The following RHBDD1 variants were observed in gnomAD, a reference collection of about 807,000 sequenced individuals.
The protein encoded by RHBDD1 is rhomboid domain containing 1.
RHBDD1 carries 38 observed loss-of-function variants against 36.3 expected under a neutral mutation model. The ratio of observed to expected loss-of-function variants is 1.05; its 90% CI spans 0.81 to 1.37. The LOEUF is 1.37. Ranked by LOEUF, RHBDD1 falls within the 40% of genes most tolerant of loss-of-function variation. The pLI is 0.00. For missense variants in RHBDD1, 393 were observed against 377.6 expected (o/e 1.04, Z -0.34); for synonymous variants, 151 against 136.5 (o/e 1.11, Z -0.74).
At chr2:226,956,305 G>T (rs142595814) in intron 8 of RHBDD1, among the ~76,000 whole-genome samples, 1 of 152,224 alleles carries the variant, frequency 6.6e-6, no homozygotes, top group East Asian at 1.9e-4. Context: ...CATATTATTA[G>T]CATTGATGTA....
chr2:226,850,184 A>G (rs1942671307), intron 3 of RHBDD1, among the ~76,000 whole-genome samples: 1 of 152,236 alleles, frequency 6.6e-6, no homozygotes, highest in Non-Finnish European at 1.5e-5. Flanking sequence ...GGTAACTAAC[A>G]CAATGAATAG....
chr2:226,885,431 C>G (rs1283049934), intron 5 of RHBDD1, among the ~76,000 whole-genome samples: 1 of 152,062 alleles, frequency 6.6e-6, no homozygotes, highest in East Asian at 1.9e-4. Flanking sequence ...TCCAATAGTA[C>G]ATGACTCAAT....
intron 8 of RHBDD1, among the ~76,000 whole-genome samples, chr2:226,935,806 A>G (rs1297958350): frequency 6.6e-6 from 1 of 152,164 alleles, no homozygotes; most frequent in East Asian, 1.9e-4. Flanking sequence ...TCTCTGAAAG[A>G]TAAATTCAAA....
chr2:226,988,594 C>T, intron 8 of RHBDD1: 5 of 1,362,342 alleles, frequency 3.7e-6, no homozygotes, highest in Non-Finnish European at 4.7e-6. Flanking sequence ...CAGAAGAGGC[C>T]GGGGGCTCCA....
At chr2:226,853,303 T>C (rs561118213) in intron 3 of RHBDD1, among the ~76,000 whole-genome samples, 26 of 152,338 alleles carry the variant, frequency 1.7e-4, no homozygotes, top group African/African-American at 3.6e-4. Flanking sequence ...AAGCAGAACA[T>C]TGAACTATTT....
At chr2:226,919,601 C>T (rs1460034251) in intron 8 of RHBDD1, among the ~76,000 whole-genome samples, 2 of 151,904 alleles carry the variant, frequency 1.3e-5, no homozygotes, top group South Asian at 2.1e-4. Flanking sequence ...AGTGTATTCT[C>T]TTGGCACCTT....
At chr2:226,916,157 G>A (rs1215393298) in intron 8 of RHBDD1, among the ~76,000 whole-genome samples, 1 of 152,194 alleles carries the variant, frequency 6.6e-6, no homozygotes, top group East Asian at 1.9e-4. Context: ...TCTGTATACT[G>A]TTACTGAAGC....
intron 8 of RHBDD1, among the ~76,000 whole-genome samples, chr2:226,960,010 ACATGGGGTTTTACCGTATTAGC>A (rs1242673647): frequency 1.3e-5 from 2 of 152,124 alleles, no homozygotes; most frequent in African/African-American, 4.8e-5. Flanking sequence ...TTTAAAGTAG[ACATGGGGTTTTACCGTATTAGC>A]CAGAATGGTC....
At position 226,972,366 on chromosome 2, in the gene RHBDD1, AG is replaced by A. The variant is rs1483409212; in HGVS notation, c.857-23063del. Among the ~76,000 whole-genome samples, 3 of 152,222 alleles carry A rather than the reference AG, an allele frequency of 2.0e-5. No homozygotes were observed. The East Asian group carries it at 5.8e-4, about 29-fold the overall frequency. Reference sequence around the variant, plus strand: ...CCCACTTCTTAAGAAAGAAACACAAAGGTGCTAAATGAGAGGAGGGAAGAGA... The same window carrying A: ...CCCACTTCTTAAGAAAGAAACACAAAGTGCTAAATGAGAGGAGGGAAGAGA... On this transcript the variant is annotated intron_variant, in intron 8 of 8. Coordinates refer to ENST00000392062, the MANE Select transcript of RHBDD1 (RefSeq NM_001167608.3).
the RHBDD1 span, chr2:226,804,999 G>A: frequency 6.6e-6 from 1 of 152,434 alleles, no homozygotes; most frequent in African/African-American, 2.4e-5. Context: ...TATAGCCTGG[G>A]TGACAGAGTG....
chr2:226,909,357 AATAG>A (rs1948348411), intron 7 of RHBDD1, among the ~76,000 whole-genome samples: 1 of 152,150 alleles, frequency 6.6e-6, no homozygotes, highest in South Asian at 2.1e-4. Flanking sequence ...TATCTGTGTA[AATAG>A]ATAGAAAAGA....
chr2:226,908,758 CT>C (rs914942312), intron 6 of RHBDD1, 63 bp from the exon 7 acceptor site: 2 of 1,083,008 alleles, frequency 1.8e-6, no homozygotes, highest in African/African-American at 1.6e-5. Context: ...TTTCTAATTA[CT>C]GGAACAATTA....
At chr2:226,930,964 G>C (rs1476172658) in intron 8 of RHBDD1, among the ~76,000 whole-genome samples, 1 of 151,974 alleles carries the variant, frequency 6.6e-6, no homozygotes, top group Non-Finnish European at 1.5e-5. Flanking sequence ...AACTGGAGTG[G>C]CCATTACTAA....
intron 6 of RHBDD1, chr2:226,908,582 T>TACACACACACACACACACAC (rs10559846): frequency 3.2e-4 from 112 of 346,902 alleles, no homozygotes; most frequent in African/African-American, 2.2e-3. Flanking sequence ...CATTTTCCAC[T>TACACACACACACACACACAC]ACACACACAC....
the RHBDD1 span, among the ~76,000 whole-genome samples, chr2:226,821,087 G>A: frequency 6.6e-6 from 1 of 152,100 alleles, no homozygotes; most frequent in Non-Finnish European, 1.5e-5. Flanking sequence ...TGATGGCAAG[G>A]TTGATATTAT....
intron 8 of RHBDD1, among the ~76,000 whole-genome samples, chr2:226,948,576 A>AAT (rs1559302817): frequency 4.4e-5 from 6 of 137,626 alleles, no homozygotes; most frequent in South Asian, 2.3e-4. Flanking sequence ...AAAAAAAAAA[A>AAT]AAAAAAAAAC....
intron 8 of RHBDD1, among the ~76,000 whole-genome samples, chr2:226,963,295 C>A (rs1432739659): frequency 1.3e-5 from 2 of 152,210 alleles, no homozygotes; most frequent in African/African-American, 4.8e-5. Flanking sequence ...ATACAGAACT[C>A]AGATTTGGAA....
rs778685201 is a variant in RHBDD1, at chr2:226,908,815, C to A, written c.656-7C>A. The A allele has an allele frequency of 1.9e-5, 31 of 1,596,640 alleles. 1 individual carries two copies. In the South Asian group the frequency reaches 3.1e-4, roughly 16 times the overall value. On this transcript the variant is annotated splice_region_variant and splice_polypyrimidine_tract_variant and intron_variant, in intron 6 of 8. Transcript: ENST00000392062. Reference sequence around the variant, plus strand: ...GCCATTAAAATGTTTATTTCTTTTACGTTTAGGCGGTTTTTCCTCCAGTGT... The same window carrying A: ...GCCATTAAAATGTTTATTTCTTTTAAGTTTAGGCGGTTTTTCCTCCAGTGT...
At chr2:226,942,294 A>T (rs1950716171) in intron 8 of RHBDD1, among the ~76,000 whole-genome samples, 1 of 150,088 alleles carries the variant, frequency 6.7e-6, no homozygotes, top group African/African-American at 2.5e-5. Context: ...GCTGGAGTGC[A>T]GTGGCATGAT....
Sources: allele counts gnomAD v4.1 joint callset (sites outside exome capture counted in the v4.1 genomes callset), GRCh38; gene constraint gnomAD v4.1.1; transcripts MANE v1.5; gene names NCBI Gene and HGNC (gene_info 2026-07-23, HGNC 2026-07-21).